Variants in PLEKHG4B observed in about 807,000 individuals in gnomAD.
The protein encoded by PLEKHG4B is pleckstrin homology domain-containing family G member 4B.
PLEKHG4B carries 111 observed loss-of-function variants against 121.3 expected under a neutral mutation model. That is an observed-to-expected ratio of 0.92 (90% confidence interval 0.78 to 1.07). The LOEUF (loss-of-function observed/expected upper bound fraction) is 1.07, where lower values mean the gene tolerates loss of function less well. Ranked by LOEUF, PLEKHG4B falls within the 50% of genes least tolerant of loss-of-function variation. The pLI, the probability that PLEKHG4B is intolerant of heterozygous loss-of-function variation, is 0.00. For synonymous variants in PLEKHG4B, 738 were observed against 725.0 expected (o/e 1.02, Z -0.29); for missense variants, 1,831 against 1,757.8 (o/e 1.04, Z -0.74).
intron 6 of PLEKHG4B, among the ~76,000 whole-genome samples, chr5:145,611 A>G (rs540110461): frequency 1.3e-5 from 2 of 152,322 alleles, no homozygotes; most frequent in East Asian, 3.9e-4. Flanking sequence ...CACCCACCTC[A>G]GCCTCCCAGA....
chr5:154,748 G>A (rs1334456671), intron 7 of PLEKHG4B, 127 bp from the exon 8 acceptor site: 2 of 689,332 alleles, frequency 2.9e-6, no homozygotes, highest in Non-Finnish European at 5.1e-6. Context: ...AGTGCTTCCA[G>A]CAAAGCAGGG....
chr5:135,543 G>C (rs369955299), intron 2 of PLEKHG4B, among the ~76,000 whole-genome samples: 1 of 149,282 alleles, frequency 6.7e-6, no homozygotes, highest in East Asian at 2.0e-4. Context: ...GCAGGTACCT[G>C]TAGGCCCAGC....
Position 182,397 on chromosome 5 carries a change from T to G in PLEKHG4B, c.*74T>G, listed in dbSNP as rs1055196692. On this transcript the variant is annotated 3_prime_UTR_variant, in exon 20 of 20. Transcript: ENST00000637938. ...GGAGCAGCACGCCAGGCCTGATGAC[T>G]CTGGGGGTGGCGGTGCCCATCGCGT... 7.6e-5 allele frequency: 111 copies of G among 1,451,872 alleles called. No individual in the cohort carries two copies. The African/African-American group carries it at 1.2e-3, about 16-fold the overall frequency. The allele number at this position is 1,451,872 out of a possible 1,614,324, so 89.9% of individuals were successfully genotyped here. A position where few individuals can be genotyped will look rare whatever the true frequency, so the allele number is the denominator to read the frequency against.
intron 3 of PLEKHG4B, among the ~76,000 whole-genome samples, chr5:142,370 A>G (rs1228707777): frequency 6.6e-6 from 1 of 151,890 alleles, no homozygotes; most frequent in African/African-American, 2.4e-5. Flanking sequence ...CGAGTTCCAC[A>G]TACGACACGC....
intron 18 of PLEKHG4B, among the ~76,000 whole-genome samples, chr5:180,090 G>T (rs577005222): frequency 1.3e-4 from 20 of 152,154 alleles, no homozygotes; most frequent in African/African-American, 4.8e-4. Flanking sequence ...TCCTCATTTT[G>T]TCCTTTCTCT....
intron 7 of PLEKHG4B, 65 bp from the exon 8 acceptor site, chr5:154,810 T>C: frequency 8.0e-7 from 1 of 1,249,802 alleles, no homozygotes; most frequent in Non-Finnish European, 1.2e-6. Context: ...GAATGAGCCA[T>C]TTACAGTGTT....
At position 180,245 on chromosome 5, in the gene PLEKHG4B, G is replaced by A. The variant is rs541825136; in HGVS notation, c.4403-1269G>A. 2.0e-3 allele frequency among the ~76,000 whole-genome samples: 311 copies of A among 152,226 alleles called. 2 individuals are homozygous for A. The highest frequency in any genetic ancestry group is 7.2e-3 in the African/African-American group (299 of 41,528). On this transcript the variant is annotated intron_variant, in intron 18 of 19. Transcript: ENST00000637938. Reference sequence around the variant, plus strand: ...GGGGTGGTTCATCTGAATGCACTCCGGGGAGGGACTGCATGAAGTCCGCCT... The same window carrying A: ...GGGGTGGTTCATCTGAATGCACTCCAGGGAGGGACTGCATGAAGTCCGCCT...
At chr5:164,307 G>A (rs1001497141) in intron 13 of PLEKHG4B, among the ~76,000 whole-genome samples, 20 of 152,226 alleles carry the variant, frequency 1.3e-4, no homozygotes, top group African/African-American at 3.6e-4. Context: ...TAAGGAGCAC[G>A]AAACCTAGAT....
intron 1 of PLEKHG4B, among the ~76,000 whole-genome samples, chr5:97,672 C>G (rs1733670302): frequency 7.0e-6 from 1 of 143,630 alleles, no homozygotes; most frequent in Non-Finnish European, 1.5e-5. Context: ...GTGGATAGAC[C>G]ACAGTTGTCC....
In PLEKHG4B at chr5:156,332, T is replaced by G; in HGVS notation, c.2348+122T>G. 9.1e-7 allele frequency: 1 copy of G among 1,104,380 alleles called. No individual in the cohort carries two copies. The highest frequency in any genetic ancestry group is 1.2e-6 in the Non-Finnish European group (1 of 848,024). The allele number at this position is 1,104,380 out of a possible 1,614,324, so 68.4% of individuals were successfully genotyped here. The stretch of plus-strand genomic sequence containing the variant: ...GCCCCCTCTGTGCTTGGTCCAGACC[T>G]CCATTCTGACAGCCACGCTTTGCCT... On this transcript the variant is annotated intron_variant, in intron 10 of 19. Transcript: ENST00000637938. This position sits in a 1 kb window ranked among gnomAD's most constrained non-coding sequence, Gnocchi z 4.4.
intron 7 of PLEKHG4B, among the ~76,000 whole-genome samples, chr5:153,784 T>G (rs1460551768): frequency 6.6e-6 from 1 of 152,092 alleles, no homozygotes. Context: ...CTCCCCAGGC[T>G]TAGGTGATCC....
At chr5:160,688 C>G (rs571035691) in intron 11 of PLEKHG4B, among the ~76,000 whole-genome samples, 1 of 152,282 alleles carries the variant, frequency 6.6e-6, no homozygotes, top group African/African-American at 2.4e-5. Flanking sequence ...ACAGCCCTTT[C>G]TACCTTAAGT....
Position 168,623 on chromosome 5 carries a change from A to G in PLEKHG4B, c.3477-717A>G, listed in dbSNP as rs531035101. ...TGGGAACGAGAAACCTTATGTTCAG[A>G]GTTTCAGTTAGGAAGCCTGGGAATC... On this transcript the variant is annotated intron_variant, in intron 13 of 19. Coordinates refer to ENST00000637938, the MANE Select transcript of PLEKHG4B (RefSeq NM_052909.5). Among the ~76,000 whole-genome samples the G allele has an allele frequency of 8.5e-5, 13 of 152,306 alleles. No individual in the cohort carries two copies. The South Asian group carries it at 2.7e-3, about 32-fold the overall frequency.
intron 1 of PLEKHG4B, among the ~76,000 whole-genome samples, chr5:104,279 C>G (rs991209582): frequency 6.6e-5 from 10 of 151,980 alleles, no homozygotes; most frequent in African/African-American, 2.4e-4. Context: ...CCAGTCCCAG[C>G]ACCGATTCCT....
At chr5:166,638 C>T (rs1736362207) in intron 13 of PLEKHG4B, among the ~76,000 whole-genome samples, 1 of 151,388 alleles carries the variant, frequency 6.6e-6, no homozygotes, top group Non-Finnish European at 1.5e-5. Flanking sequence ...CTGCCACTCA[C>T]CTCCTGCTGG....
At position 137,602 on chromosome 5, in the gene PLEKHG4B, C is replaced by A. The variant is rs557576977; in HGVS notation, c.244-1881C>A. ...ATTTGATATGTAGAGACCTGTAGACCCCTGTGGGAGGGCAAAAGGCATGAA... is the reference window on the plus strand; with the variant it reads ...ATTTGATATGTAGAGACCTGTAGACACCTGTGGGAGGGCAAAAGGCATGAA... On this transcript the variant is annotated intron_variant, in intron 2 of 19. Transcript: ENST00000637938. The surrounding 1 kb of genome is among the most constrained non-coding windows in gnomAD (Gnocchi z 4.2). Among the ~76,000 whole-genome samples the A allele has an allele frequency of 6.6e-5, 10 of 152,218 alleles. No homozygotes were observed. The South Asian group carries it at 1.7e-3, about 25-fold the overall frequency.
intron 3 of PLEKHG4B, among the ~76,000 whole-genome samples, chr5:142,527 C>T (rs1051752893): frequency 4.6e-5 from 7 of 150,936 alleles, no homozygotes; most frequent in East Asian, 1.9e-4. Context: ...ATGCCTCCAA[C>T]GATCACACTC....
intron 1 of PLEKHG4B, among the ~76,000 whole-genome samples, chr5:92,645 C>G (rs1272591426): frequency 1.3e-5 from 2 of 151,512 alleles, no homozygotes; most frequent in Non-Finnish European, 2.9e-5. Context: ...TTCAGGCACC[C>G]TTTTCCTTGT....
intron 2 of PLEKHG4B, among the ~76,000 whole-genome samples, chr5:134,076 AATATAT>A (rs67940117): frequency 0.12 from 4,791 of 39,990 alleles, 280 homozygotes; most frequent in Non-Finnish European, 0.14. Flanking sequence ...TATATGATAG[AATATAT>A]ATATATATAT....
Sources: allele counts gnomAD v4.1 joint callset (sites outside exome capture counted in the v4.1 genomes callset), GRCh38; gene constraint gnomAD v4.1.1; non-coding constraint Gnocchi (gnomAD v3.1); transcripts MANE v1.5; gene names NCBI Gene and HGNC (gene_info 2026-07-23, HGNC 2026-07-21).